Variants in LLGL2 observed in about 807,000 individuals in gnomAD.
LLGL2 encodes the protein LLGL2, scribble cell polarity complex component.
LLGL2 carries 81 observed loss-of-function variants against 123.2 expected under a neutral mutation model. The observed-to-expected ratio is 0.66, with a 90% CI of 0.55 to 0.79. LLGL2 has a LOEUF of 0.79. LLGL2 is among the 30% of genes least tolerant of loss of function. LLGL2 has a pLI of 0.00. For synonymous variants in LLGL2, 577 were observed against 594.1 expected (o/e 0.97, Z 0.42); for missense variants, 1,273 against 1,414.6 (o/e 0.90, Z 1.61).
Position 75,544,456 on chromosome 17 carries a change from CTT to C in LLGL2, c.75+957_75+958del, listed in dbSNP as rs939010186. ...CTCCCTGTGGAGAATGAGGAAGTCT[CTT>C]TGGTTGTATTTTTGTTATTGATTTG... On this transcript the variant is annotated intron_variant, in intron 2 of 25. Coordinates refer to ENST00000392550, the MANE Select transcript of LLGL2 (RefSeq NM_001031803.2). This position sits in a 1 kb window ranked among gnomAD's most constrained non-coding sequence, Gnocchi z 4.2. 1.3e-5 allele frequency among the ~76,000 whole-genome samples: 2 copies of C among 152,214 alleles called. No homozygotes were observed. The highest frequency in any genetic ancestry group is 2.9e-5 in the Non-Finnish European group (2 of 68,038).
intron 17 of LLGL2, chr17:75,571,379 G>A (rs2147559148): frequency 3.4e-6 from 2 of 580,542 alleles, no homozygotes; most frequent in East Asian, 5.7e-5. Context: ...TTGCTTCTCT[G>A]TAAATGAGGA....
At chr17:75,567,563 C>T (rs553397910) in intron 10 of LLGL2, among the ~76,000 whole-genome samples, 21 of 151,476 alleles carry the variant, frequency 1.4e-4, no homozygotes, top group East Asian at 7.8e-4. Flanking sequence ...CGCTTGAACC[C>T]GGGAGGCGGA....
chr17:75,571,051 C>T lies in LLGL2; in HGVS notation c.2127C>T (p.Phe709=). The change falls in exon 17 of 26, where the codon TTC becomes TTT. Residue 709 remains phenylalanine (F), a synonymous_variant. Coordinates refer to ENST00000392550, the MANE Select transcript of LLGL2 (RefSeq NM_001031803.2). ...KIEARSAEDS[F]TGFVRTLYFA... The stretch of plus-strand genomic sequence containing the variant: ...AGGCTCGCTCGGCAGAGGACTCCTT[C>T]ACAGGCTTCGTCCGGACCCTGTACT... 3 of 1,613,026 alleles carry T rather than the reference C, an allele frequency of 1.9e-6. No homozygotes were observed. The highest frequency in any genetic ancestry group is 2.5e-6 in the Non-Finnish European group (3 of 1,179,956).
At chr17:75,560,980 C>T (rs1598604412) in intron 6 of LLGL2, among the ~76,000 whole-genome samples, 1 of 152,080 alleles carries the variant, frequency 6.6e-6, no homozygotes, top group South Asian at 2.1e-4. Context: ...TACAGGTGCA[C>T]GCCATCACAC....
In LLGL2 at chr17:75,563,093, A is replaced by T. The variant is rs1157393292; in HGVS notation, c.608A>T (p.Gln203Leu). 2 of 1,613,298 alleles carry T rather than the reference A, an allele frequency of 1.2e-6. No homozygotes were observed. Among genetic ancestry groups the T allele is most frequent in the Non-Finnish European group, 1.7e-6 (2 of 1,180,018 alleles). The change falls in exon 7 of 26, where the codon CAG (glutamine) becomes CTG (leucine). Residue 203 changes from glutamine (Q) to leucine (L), a missense_variant. Coordinates refer to ENST00000392550, the MANE Select transcript of LLGL2 (RefSeq NM_001031803.2). ...ALQEHPRDPN[Q>L]ILIGYSRGLV... ...CAGGAGCACCCTCGAGACCCCAACC[A>T]GATCCTGATCGGCTACAGCCGAGGC...
Position 75,564,660 on chromosome 17 carries a change from C to A in LLGL2, c.1036+153C>A. On this transcript the variant is annotated intron_variant, in intron 10 of 25. Coordinates refer to ENST00000392550, the MANE Select transcript of LLGL2 (RefSeq NM_001031803.2). This position sits in a 1 kb window ranked among gnomAD's most constrained non-coding sequence, Gnocchi z 4.9. ...GTAGGATCGCTTGAACCCAGGAGTT[C>A]AAGTCCAGCCTGGACAACGTAGGGA... The A allele has an allele frequency of 7.7e-7, 1 of 1,304,096 alleles. No individual in the cohort carries two copies. Among genetic ancestry groups the A allele is most frequent in the South Asian group, 1.6e-5 (1 of 64,434 alleles). The allele number at this position is 1,304,096 out of a possible 1,614,324, so 80.8% of individuals were successfully genotyped here. A position where few individuals can be genotyped will look rare whatever the true frequency, so the allele number is the denominator to read the frequency against.
chr17:75,537,798 T>C (rs997447430), intron 1 of LLGL2, among the ~76,000 whole-genome samples: 3 of 149,798 alleles, frequency 2.0e-5, no homozygotes, highest in African/African-American at 7.4e-5. Context: ...GAAGGCTTTT[T>C]GGAAGGTGAC....
intron 14 of LLGL2, 116 bp downstream of exon 14, chr17:75,569,441 T>C: frequency 1.2e-6 from 1 of 821,492 alleles, no homozygotes; most frequent in Admixed American, 2.2e-5. Context: ...GCTTTTCCGG[T>C]GGATGGAGGT....
Position 75,574,250 on chromosome 17 carries a change from C to T in LLGL2, c.2943C>T (p.Leu981=), listed in dbSNP as rs1022274539. Reference sequence around the variant, plus strand: ...GCCTGGTGATGGAGCGCGCTCTGCTCAGTGATGAGAGTGAGTTGGGTGGGA... The same window carrying T: ...GCCTGGTGATGGAGCGCGCTCTGCTTAGTGATGAGAGTGAGTTGGGTGGGA... ...QPGLVMERAL[L]SDERVLKEIQ... is the part of the protein sequence containing the mutation. Residue 981 remains leucine, a synonymous_variant, in exon 23 of 26, where the codon CTC becomes CTT. Transcript: ENST00000392550. The T allele has an allele frequency of 2.1e-6, 3 of 1,403,594 alleles. No individual in the cohort carries two copies. The highest frequency in any genetic ancestry group is 2.8e-6 in the Non-Finnish European group (3 of 1,064,870). 86.9% of individuals were successfully genotyped at this position (1,403,594 alleles called of 1,614,324 possible).
chr17:75,570,964 T>G lies in LLGL2; in HGVS notation c.2040T>G (p.Ser680Arg). The change falls in exon 17 of 26, where the codon AGT (serine) becomes AGG (arginine). Residue 680 changes from serine (S) to arginine (R), a missense_variant. Coordinates refer to ENST00000392550, the MANE Select transcript of LLGL2 (RefSeq NM_001031803.2). Reference protein sequence around the residue: ...AGPPGEAQEGSAKAERPGLQN... With the variant: ...AGPPGEAQEGRAKAERPGLQN... ...ACCCCTTGCAGGCACAGGAGGGGAG[T>G]GCCAAGGCTGAGCGGCCAGGCCTCC... The G allele has an allele frequency of 6.2e-7, 1 of 1,610,158 alleles. No homozygotes were observed.
intron 3 of LLGL2, among the ~76,000 whole-genome samples, chr17:75,557,112 C>T (rs1397815193): frequency 1.4e-5 from 2 of 144,748 alleles, no homozygotes; most frequent in African/African-American, 5.3e-5. Context: ...CTCCTGGGCT[C>T]AAGCAACTCT....
intron 1 of LLGL2, among the ~76,000 whole-genome samples, chr17:75,529,943 G>C (rs1036439056): frequency 6.6e-6 from 1 of 152,142 alleles, no homozygotes. Flanking sequence ...GTTCTTTGCC[G>C]AGTCCTTGCT....
intron 1 of LLGL2, among the ~76,000 whole-genome samples, chr17:75,529,378 T>C (rs1385901622): frequency 6.6e-6 from 1 of 151,270 alleles, no homozygotes; most frequent in Non-Finnish European, 1.5e-5. Context: ...TGTATTTTTG[T>C]ATTTTTTGTA....
At chr17:75,556,504 G>A (rs2054921106) in intron 3 of LLGL2, among the ~76,000 whole-genome samples, 1 of 152,138 alleles carries the variant, frequency 6.6e-6, no homozygotes, top group Non-Finnish European at 1.5e-5. Context: ...GGAGGTTTCA[G>A]GAATCCCCCA....
Position 75,537,733 on chromosome 17 carries a change from G to T in LLGL2, c.-30-5664G>T, listed in dbSNP as rs554475289. On this transcript the variant is annotated intron_variant, in intron 1 of 25. Coordinates refer to ENST00000392550, the MANE Select transcript of LLGL2 (RefSeq NM_001031803.2). Reference sequence around the variant, plus strand: ...AATCCCTTAAAACCATGGTGGACAGGGACAGCCTCCCAGCCTCCTAGGACT... The same window carrying T: ...AATCCCTTAAAACCATGGTGGACAGTGACAGCCTCCCAGCCTCCTAGGACT... 3.0e-3 allele frequency among the ~76,000 whole-genome samples: 451 copies of T among 151,622 alleles called. 1 individual carries two copies. The highest frequency in any genetic ancestry group is 5.4e-3 in the Non-Finnish European group (366 of 67,934).
chr17:75,565,088 C>T (rs1363398006), intron 10 of LLGL2, among the ~76,000 whole-genome samples: 2 of 152,198 alleles, frequency 1.3e-5, no homozygotes, highest in East Asian at 1.9e-4. Context: ...CCACAGGGGG[C>T]TGATCTGTAC....
rs552945329 is a variant in LLGL2 at position 75,567,989 on chromosome 17, G to T, written c.1037-487G>T. Reference sequence around the variant, plus strand: ...AAGACAAATGGTTTAATCATCCAGCGCACATTTATTGAGCACTAGCTGGGT... The same window carrying T: ...AAGACAAATGGTTTAATCATCCAGCTCACATTTATTGAGCACTAGCTGGGT... On this transcript the variant is annotated intron_variant, in intron 10 of 25. Transcript: ENST00000392550. The T allele has an allele frequency of 5.2e-6, 4 of 771,348 alleles. No individual in the cohort carries two copies. The South Asian group carries it at 2.3e-4, about 45-fold the overall frequency. 47.8% of individuals were successfully genotyped at this position (771,348 alleles called of 1,614,324 possible). A position where few individuals can be genotyped will look rare whatever the true frequency, so the allele number is the denominator to read the frequency against.
chr17:75,553,863 G>A, intron 2 of LLGL2, among the ~76,000 whole-genome samples: 1 of 152,160 alleles, frequency 6.6e-6, no homozygotes, highest in Non-Finnish European at 1.5e-5. Context: ...AAATACTCAA[G>A]TGGTGCAGAC....
intron 24 of LLGL2, 32 bp downstream of exon 24, chr17:75,574,527 C>T: frequency 2.5e-6 from 4 of 1,574,476 alleles, no homozygotes; most frequent in Non-Finnish European, 3.4e-6. Flanking sequence ...CTGGGGTGGG[C>T]CCGAGGCTCT....
Sources: allele counts gnomAD v4.1 joint callset (sites outside exome capture counted in the v4.1 genomes callset), GRCh38; gene constraint gnomAD v4.1.1; non-coding constraint Gnocchi (gnomAD v3.1); transcripts MANE v1.5; gene names NCBI Gene and HGNC (gene_info 2026-07-23, HGNC 2026-07-21).